Variants in OR52I2 observed in about 807,000 individuals in gnomAD.
OR52I2 encodes olfactory receptor 52I2.
For missense variants in OR52I2, 350 were observed against 402.4 expected (o/e 0.87, Z 1.11); for synonymous variants, 147 against 151.9 (o/e 0.97, Z 0.24).
intron 1 of OR52I2, among the ~76,000 whole-genome samples, chr11:4,582,434 ATTT>A (rs386372959): frequency 7.9e-4 from 76 of 96,474 alleles, no homozygotes; most frequent in African/African-American, 2.6e-3. Flanking sequence ...TTTATTTTTC[ATTT>A]TTTTTTTTTT....
At chr11:4,589,755 T>G (rs954176988) in exon 2 of OR52I2, 5 of 152,170 alleles carry the variant, frequency 3.3e-5, no homozygotes, top group Admixed American at 6.5e-5. Flanking sequence ...CATGTTTGGC[T>G]GAAGAGGGGA....
At chr11:4,587,582 G>C (rs750606405) in exon 2 of OR52I2, 4 of 1,614,030 alleles carry the variant, frequency 2.5e-6, no homozygotes, top group Non-Finnish European at 2.5e-6. Context: ...GCAGTATTTG[G>C]TCTCTCCTCA....
exon 2 of OR52I2, chr11:4,588,125 C>CTAA (rs966382100): frequency 1.7e-5 from 8 of 467,612 alleles, no homozygotes; most frequent in Admixed American, 3.6e-5. Flanking sequence ...TTTCCCTGCT[C>CTAA]TTTAGGAATG....
exon 2 of OR52I2, chr11:4,586,909 A>C (rs780829699): frequency 1.2e-6 from 2 of 1,614,136 alleles, no homozygotes; most frequent in Non-Finnish European, 1.7e-6. Flanking sequence ...TCCAGCTTAT[A>C]ACCACACAAT....
intron 1 of OR52I2, among the ~76,000 whole-genome samples, chr11:4,582,434 A>ATTT (rs386372959): frequency 0.13 from 12,105 of 95,298 alleles, 1,676 homozygotes; most frequent in Admixed American, 0.17. Context: ...TTTATTTTTC[A>ATTT]TTTTTTTTTT....
exon 2 of OR52I2, chr11:4,587,882 G>T: frequency 6.3e-7 from 1 of 1,594,220 alleles, no homozygotes; most frequent in African/African-American, 1.3e-5. Context: ...TATCTGTTCA[G>T]ATCCAGCCAA....
At chr11:4,582,438 T>TTTG (rs1846265719) in intron 1 of OR52I2, among the ~76,000 whole-genome samples, 1 of 65,054 alleles carries the variant, frequency 1.5e-5, no homozygotes, top group Middle Eastern at 6.3e-3. Context: ...TTTTTCATTT[T>TTTG]TTTTTTTTTT....
At chr11:4,583,329 C>T (rs1846274432) in intron 1 of OR52I2, among the ~76,000 whole-genome samples, 1 of 151,900 alleles carries the variant, frequency 6.6e-6, no homozygotes, top group Non-Finnish European at 1.5e-5. Context: ...GTTTCCAGGG[C>T]TGGTGAGAGG....
At position 4,586,878 on chromosome 11, in the gene OR52I2, A is replaced by C. The variant is rs1846305587; in HGVS notation, c.-13A>C. The C allele has an allele frequency of 6.2e-7, 1 of 1,614,024 alleles. No individual in the cohort carries two copies. Among genetic ancestry groups the C allele is most frequent in the Admixed American group, 1.7e-5 (1 of 59,996 alleles). On this transcript the variant is annotated 5_prime_UTR_variant, in exon 2 of 2. Transcript: ENST00000641896. Reference sequence around the variant, plus strand: ...ATCATTTGTGCATTAACAGGAAAAAAGTCTCACTTGTGATGCTGGGTCCAG... The same window carrying C: ...ATCATTTGTGCATTAACAGGAAAAACGTCTCACTTGTGATGCTGGGTCCAG...
Position 4,584,817 on chromosome 11 carries a change from A to C in OR52I2, c.-19-2055A>C, listed in dbSNP as rs57287450. Among the ~76,000 whole-genome samples the C allele has an allele frequency of 9.7e-3, 1,480 of 152,294 alleles. 32 individuals are homozygous for C. Among genetic ancestry groups the C allele is most frequent in the African/African-American group, 0.034 (1,411 of 41,560 alleles). On this transcript the variant is annotated intron_variant, in intron 1 of 1. Transcript: ENST00000641896. ...GGTAGATTATGGGACGACAGGAGAA[A>C]AGCTCAGGCAATGTGGGTTGAGTGG...
At chr11:4,592,479 A>T (rs1846358447) in exon 2 of OR52I2, 1 of 152,134 alleles carries the variant, frequency 6.6e-6, no homozygotes. Flanking sequence ...ATTCTGATGA[A>T]ATAGAATCTA....
At chr11:4,585,939 G>C (rs1439460893) in intron 1 of OR52I2, among the ~76,000 whole-genome samples, 6 of 152,100 alleles carry the variant, frequency 3.9e-5, no homozygotes, top group Admixed American at 6.6e-5. Flanking sequence ...TCATAATAAA[G>C]TGCCTAACTT....
exon 2 of OR52I2, chr11:4,592,778 A>C (rs1846361270): frequency 6.6e-6 from 1 of 152,190 alleles, no homozygotes; most frequent in Non-Finnish European, 1.5e-5. Context: ...GAGGCAATGG[A>C]GGGTGAATAC....
chr11:4,582,434 A>ATTTTTTTTTTTTTTTTTTTTTTTTT (rs386372959), intron 1 of OR52I2, among the ~76,000 whole-genome samples: 7 of 96,480 alleles, frequency 7.3e-5, no homozygotes, highest in Non-Finnish European at 1.1e-4. Context: ...TTTATTTTTC[A>ATTTTTTTTTTTTTTTTTTTTTTTTT]TTTTTTTTTT....
At chr11:4,584,504 C>T (rs1384541704) in intron 1 of OR52I2, among the ~76,000 whole-genome samples, 1 of 152,182 alleles carries the variant, frequency 6.6e-6, no homozygotes, top group Non-Finnish European at 1.5e-5. Context: ...AAATATTTGT[C>T]ATACTTGCCT....
chr11:4,587,107 G>C (rs757921773), exon 2 of OR52I2: 13 of 1,614,194 alleles, frequency 8.1e-6, no homozygotes, highest in Non-Finnish European at 1.1e-5. Context: ...TCTGGCTGCT[G>C]TGGACATTGT....
At chr11:4,589,078 ACT>A (rs1249320274) in exon 2 of OR52I2, 1 of 152,046 alleles carries the variant, frequency 6.6e-6, no homozygotes, top group Non-Finnish European at 1.5e-5. Flanking sequence ...GAAGAAACAG[ACT>A]CTTCAGCCAG....
At chr11:4,587,844 C>A (rs1846320423) in exon 2 of OR52I2, 1 of 1,613,708 alleles carries the variant, frequency 6.2e-7, no homozygotes, top group Non-Finnish European at 8.5e-7. Flanking sequence ...TCCTCTTTGA[C>A]CATTCCAACC....
At chr11:4,591,932 C>T (rs1051061980) in exon 2 of OR52I2, 3 of 152,206 alleles carry the variant, frequency 2.0e-5, no homozygotes, top group Admixed American at 2.0e-4. Flanking sequence ...GGGCTCTTAT[C>T]ATAGTCCAAT....
Sources: allele counts gnomAD v4.1 joint callset (sites outside exome capture counted in the v4.1 genomes callset), GRCh38; gene constraint gnomAD v4.1.1; transcripts MANE v1.5; gene names NCBI Gene and HGNC (gene_info 2026-07-23, HGNC 2026-07-21).